Variants in ZNF536 observed in about 807,000 individuals in gnomAD.
ZNF536 encodes zinc finger protein 536.
ZNF536 carries 13 observed loss-of-function variants against 84.5 expected under a neutral mutation model. The observed-to-expected ratio is 0.15, with a 90% confidence interval of 0.10 to 0.24. The LOEUF (loss-of-function observed/expected upper bound fraction) is 0.24, where lower values mean the gene tolerates loss of function less well. ZNF536 is among the 10% of genes least tolerant of loss of function. The probability of loss-of-function intolerance (pLI) is 1.00; values close to 1 mark genes in which losing one functional copy is unlikely to be tolerated. For synonymous variants in ZNF536, 811 were observed against 742.5 expected, an observed-to-expected ratio of 1.09 and a Z score of -1.50; for missense variants, 1,536 against 1,747.5, an observed-to-expected ratio of 0.88 and a Z score of 2.16.
intron 1 of ZNF536, among the ~76,000 whole-genome samples, chr19:30,688,340 G>A (rs770087992): frequency 1.3e-5 from 2 of 152,182 alleles, no homozygotes; most frequent in Admixed American, 6.5e-5. Flanking sequence ...GTGTGCGTGA[G>A]GACTCTTTGT....
chr19:30,461,891 G>T (rs1344384693), intron 2 of ZNF536, among the ~76,000 whole-genome samples: 1 of 152,200 alleles, frequency 6.6e-6, no homozygotes, highest in Admixed American at 6.5e-5. Context: ...GCTGCCTTGT[G>T]CATGAGCTTG....
At chr19:30,364,312 G>A (rs1285314368) in intron 3 of ZNF536, among the ~76,000 whole-genome samples, 2 of 152,280 alleles carry the variant, frequency 1.3e-5, no homozygotes, top group East Asian at 3.9e-4. Flanking sequence ...GATCACTTGA[G>A]CCTAGGAGTT....
upstream of ZNF536, among the ~76,000 whole-genome samples, chr19:30,227,659 G>C (rs1208208870): frequency 6.6e-6 from 1 of 151,888 alleles, no homozygotes; most frequent in Non-Finnish European, 1.5e-5. Context: ...CGGCGGGGCC[G>C]GGGCGAGGGG....
chr19:30,470,282 G>A (rs2053578713), intron 2 of ZNF536, among the ~76,000 whole-genome samples: 1 of 152,180 alleles, frequency 6.6e-6, no homozygotes, highest in Admixed American at 6.5e-5. Context: ...TGCAAGAAGA[G>A]TCCAAATCTT....
rs550012466 is a variant in ZNF536 at position 30,461,540 on chromosome 19, A to AC, written c.2170+15814dup. On this transcript the variant is annotated intron_variant, in intron 2 of 4. Transcript: ENST00000355537. ...GAGCCCCACACTTAGGCTTGAGGTG[A>AC]CCCCCCAGAGCTGTGGTTGTGAATA... 2.8e-3 allele frequency among the ~76,000 whole-genome samples: 419 copies of AC among 151,934 alleles called. 2 individuals carry two copies. Among genetic ancestry groups the AC allele is most frequent in the African/African-American group, 9.8e-3 (405 of 41,430 alleles).
intron 1 of ZNF536, among the ~76,000 whole-genome samples, chr19:30,434,245 A>G (rs1240767298): frequency 6.6e-6 from 1 of 152,240 alleles, no homozygotes; most frequent in East Asian, 1.9e-4. Flanking sequence ...AAGAGTCTAA[A>G]GATAATTTTT....
intron 1 of ZNF536, among the ~76,000 whole-genome samples, chr19:30,380,319 C>T (rs563016723): frequency 3.3e-5 from 5 of 152,186 alleles, no homozygotes; most frequent in Admixed American, 3.3e-4. Context: ...TGGGGTTAAA[C>T]GTTGGCAGGA....
At chr19:30,607,266 AC>A (rs2047934801) in intron 1 of ZNF536, among the ~76,000 whole-genome samples, 6 of 152,164 alleles carry the variant, frequency 3.9e-5, no homozygotes, top group Admixed American at 2.6e-4. Flanking sequence ...TTCATGTGAA[AC>A]TTTTTTTTGT....
intron 2 of ZNF536, among the ~76,000 whole-genome samples, chr19:30,463,703 C>T (rs573269180): frequency 6.6e-6 from 1 of 152,326 alleles, no homozygotes; most frequent in East Asian, 1.9e-4. Context: ...TTTAGTCCTT[C>T]CCACCGCTCT....
At chr19:30,669,182 C>A (rs992113449) in intron 1 of ZNF536, among the ~76,000 whole-genome samples, 3 of 152,332 alleles carry the variant, frequency 2.0e-5, no homozygotes, top group African/African-American at 4.8e-5. Context: ...AGGCGGCTGG[C>A]GCTCCCTGTC....
At chr19:30,651,037 A>G (rs2049681787) in intron 1 of ZNF536, among the ~76,000 whole-genome samples, 1 of 152,240 alleles carries the variant, frequency 6.6e-6, no homozygotes, top group Non-Finnish European at 1.5e-5. Flanking sequence ...CCTCCAACTC[A>G]GAGCTTTAAA....
intron 2 of ZNF536, among the ~76,000 whole-genome samples, chr19:30,474,244 A>G (rs1453415199): frequency 6.6e-6 from 1 of 152,080 alleles, no homozygotes; most frequent in Non-Finnish European, 1.5e-5. Context: ...CAGACTGTGG[A>G]AGGCCTTGGA....
chr19:30,364,824 T>C (rs1425549646), intron 3 of ZNF536, among the ~76,000 whole-genome samples: 1 of 152,198 alleles, frequency 6.6e-6, no homozygotes, highest in Non-Finnish European at 1.5e-5. Flanking sequence ...TTTCTTTTCA[T>C]ATGTATACAA....
intron 1 of ZNF536, among the ~76,000 whole-genome samples, chr19:30,631,584 C>T (rs2048891029): frequency 6.6e-6 from 1 of 152,152 alleles, no homozygotes; most frequent in African/African-American, 2.4e-5. Context: ...TATGCCTCCA[C>T]CATTACTTAG....
At chr19:30,239,608 T>C (rs1198146754) in intron 1 of ZNF536, among the ~76,000 whole-genome samples, 2 of 152,252 alleles carry the variant, frequency 1.3e-5, no homozygotes, top group East Asian at 3.8e-4. Flanking sequence ...AGACTTGTCC[T>C]GTGCATTTCT....
chr19:30,488,418 C>T (rs2054378291), intron 2 of ZNF536, among the ~76,000 whole-genome samples: 1 of 152,176 alleles, frequency 6.6e-6, no homozygotes, highest in Non-Finnish European at 1.5e-5. Context: ...CAATTCCTGA[C>T]TCATTCCCGG....
chr19:30,652,459 G>A (rs953494015), intron 1 of ZNF536, among the ~76,000 whole-genome samples: 5 of 152,152 alleles, frequency 3.3e-5, no homozygotes, highest in Non-Finnish European at 7.4e-5. Flanking sequence ...CCAAAGCTGT[G>A]TATTCTGTAA....
intron 1 of ZNF536, among the ~76,000 whole-genome samples, chr19:30,569,357 T>A (rs2046458310): frequency 6.6e-6 from 1 of 151,842 alleles, no homozygotes; most frequent in Admixed American, 6.6e-5. Context: ...TGCAGCCGTG[T>A]TCTTGGGGGA....
chr19:30,546,313 G>A (rs746311980), intron 3 of ZNF536, among the ~76,000 whole-genome samples: 1 of 152,214 alleles, frequency 6.6e-6, no homozygotes, highest in Non-Finnish European at 1.5e-5. Flanking sequence ...TCCTGTCATT[G>A]GTCTAGCTAG....
Sources: allele counts gnomAD v4.1 joint callset (sites outside exome capture counted in the v4.1 genomes callset), GRCh38; gene constraint gnomAD v4.1.1; transcripts MANE v1.5; gene names NCBI Gene and HGNC (gene_info 2026-07-23, HGNC 2026-07-21).